The following ASB3 variants were observed in gnomAD, a reference collection of about 807,000 sequenced individuals.
ASB3 encodes ankyrin repeat and SOCS box protein 3.
ASB3 carries 41 observed loss-of-function variants against 54.5 expected under a neutral mutation model. The observed-to-expected ratio is 0.75, with a 90% CI of 0.59 to 0.98. ASB3 has a LOEUF of 0.98. ASB3 is among the 50% of genes least tolerant of loss of function. ASB3 has a pLI of 0.00. For synonymous variants in ASB3, 266 were observed against 221.2 expected, an observed-to-expected ratio of 1.20 and a Z score of -1.80; for missense variants, 733 against 620.0, an observed-to-expected ratio of 1.18 and a Z score of -1.94.
chr2:53,779,621 G>A (rs10197062), intron 1 of ASB3, among the ~76,000 whole-genome samples: 23,592 of 151,920 alleles, frequency 0.16, 2,104 homozygotes, highest in African/African-American at 0.25. Context: ...ATTTTTTGTA[G>A]AGATGGAGTT....
intron 7 of ASB3, among the ~76,000 whole-genome samples, chr2:53,705,218 A>G (rs1669704438): frequency 1.3e-5 from 2 of 152,174 alleles, no homozygotes; most frequent in South Asian, 4.1e-4. Context: ...AAAATATAGC[A>G]TTTTCCAATG....
At position 53,724,598 on chromosome 2, in the gene ASB3, C is replaced by CA. The variant is rs1362386537; in HGVS notation, c.604+4113dup. On this transcript the variant is annotated intron_variant, in intron 5 of 9. Transcript: ENST00000263634. ...TGGGCAACATAGCAAGACTCCATTT[C>CA]AAAAAAAAAAAAAAATTGGGCAAAA... 2.5e-3 allele frequency among the ~76,000 whole-genome samples: 280 copies of CA among 113,906 alleles called. 1 individual carries two copies. Among genetic ancestry groups the CA allele is most frequent in the East Asian group, 2.7e-3 (11 of 4,092 alleles). The allele number at this position is 113,906 out of a possible 152,430, so 74.7% of individuals were successfully genotyped here. A position where few individuals can be genotyped will look rare whatever the true frequency, so the allele number is the denominator to read the frequency against.
intron 3 of ASB3, among the ~76,000 whole-genome samples, chr2:53,739,991 G>T (rs1471777707): frequency 3.9e-5 from 6 of 152,098 alleles, no homozygotes. Context: ...TCATTTTGAG[G>T]CTCAGATTTT....
intron 4 of ASB3, 28 bp from the exon 5 acceptor site, chr2:53,728,875 A>C: frequency 6.4e-7 from 1 of 1,552,532 alleles, no homozygotes; most frequent in Non-Finnish European, 8.7e-7. Flanking sequence ...ATTTTAAATA[A>C]GAAAAAAACA....
At chr2:53,671,182 T>C (rs1309322953) in intron 9 of ASB3, among the ~76,000 whole-genome samples, 1 of 152,200 alleles carries the variant, frequency 6.6e-6, no homozygotes, top group Non-Finnish European at 1.5e-5. Flanking sequence ...CTGAGTGCCT[T>C]CTATGCCATA....
intron 8 of ASB3, among the ~76,000 whole-genome samples, chr2:53,696,057 T>G (rs1238696606): frequency 6.6e-6 from 1 of 152,174 alleles, no homozygotes; most frequent in Admixed American, 6.6e-5. Context: ...AGCAAAACAT[T>G]TATCATATGC....
chr2:53,670,100 C>T lies in ASB3; in HGVS notation c.*403G>A, dbSNP rs1015078117. ...ACTTCCAGTGAAGCTTTATGCATTC[C>T]ATTCTGAGCTCCTAATACCAGGTAA... On this transcript the variant is annotated 3_prime_UTR_variant, in exon 10 of 10. Transcript: ENST00000263634. 1.2e-5 allele frequency: 2 copies of T among 162,106 alleles called. No individual in the cohort carries two copies. The highest frequency in any genetic ancestry group is 4.8e-5 in the African/African-American group (2 of 41,438). 10.0% of individuals were successfully genotyped at this position (162,106 alleles called of 1,614,324 possible). A position where few individuals can be genotyped will look rare whatever the true frequency, so the allele number is the denominator to read the frequency against.
intron 3 of ASB3, among the ~76,000 whole-genome samples, chr2:53,731,345 T>A (rs10200897): frequency 0.17 from 26,288 of 152,020 alleles, 2,471 homozygotes; most frequent in African/African-American, 0.25. Context: ...GAGGTTGCAC[T>A]GCACTCCACC....
intron 9 of ASB3, among the ~76,000 whole-genome samples, chr2:53,671,875 TCAAGAAATCTTTTATAAA>T (rs1361462675): frequency 5.2e-5 from 6 of 116,088 alleles, no homozygotes; most frequent in Admixed American, 7.5e-5. Context: ...TTTTGTTAAT[TCAAGAAATCTTTTATAAA>T]TCCCTGTGAA....
At chr2:53,735,034 C>T (rs760136102) in intron 3 of ASB3, among the ~76,000 whole-genome samples, 2 of 151,478 alleles carry the variant, frequency 1.3e-5, no homozygotes, top group Non-Finnish European at 2.9e-5. Flanking sequence ...AATCTCCTGC[C>T]TCAGCCTCCC....
chr2:53,738,593 T>G (rs927778396), intron 3 of ASB3, among the ~76,000 whole-genome samples: 6 of 152,126 alleles, frequency 3.9e-5, no homozygotes, highest in African/African-American at 1.4e-4. Flanking sequence ...GGTCTAGAGA[T>G]TAGAATTGAA....
intron 3 of ASB3, among the ~76,000 whole-genome samples, chr2:53,742,990 T>C (rs1428450770): frequency 6.6e-6 from 1 of 152,040 alleles, no homozygotes; most frequent in East Asian, 1.9e-4. Flanking sequence ...AGCAAAAGTA[T>C]TGTCACAAAA....
rs1468050199 is a variant in ASB3, at chr2:53,729,459, T to C, written c.467A>G (p.Gln156Arg). 9 of 1,613,594 alleles carry C rather than the reference T, an allele frequency of 5.6e-6. No individual in the cohort carries two copies. The highest frequency in any genetic ancestry group is 1.7e-5 in the Admixed American group (1 of 60,014). ...TGAAATAATAAATTCAGAGGTTACC[T>C]GAAAAGAAGCCTGGTGCAAGGAGTT... The part of the protein sequence containing the change: ...GWNSLHQASF[Q>R]ENAEIIKLLL... Residue 156 changes from glutamine (Q) to arginine (R), a missense_variant and splice_region_variant, in exon 4 of 10, where the codon CAG (glutamine) becomes CGG (arginine). Transcript: ENST00000263634.
chr2:53,775,658 T>G (rs1234835679), intron 1 of ASB3, among the ~76,000 whole-genome samples: 1 of 152,084 alleles, frequency 6.6e-6, no homozygotes, highest in African/African-American at 2.4e-5. Flanking sequence ...GTATTTTTAG[T>G]AGAGACGGGG....
In ASB3 at chr2:53,670,435, T is replaced by G. The variant is rs1667751114; in HGVS notation, c.*68A>C. On this transcript the variant is annotated 3_prime_UTR_variant, in exon 10 of 10. Transcript: ENST00000263634. ...ACTATAAAATCATAAAAACTTGTACTCTGTGGCTCTTTTGTCTCGATGATT... is the reference window on the plus strand; with the variant it reads ...ACTATAAAATCATAAAAACTTGTACGCTGTGGCTCTTTTGTCTCGATGATT... 1 of 1,522,280 alleles carries G rather than the reference T, an allele frequency of 6.6e-7. No homozygotes were observed. The highest frequency in any genetic ancestry group is 8.8e-7 in the Non-Finnish European group (1 of 1,130,808). The allele number at this position is 1,522,280 out of a possible 1,614,324, so 94.3% of individuals were successfully genotyped here.
Position 53,685,904 on chromosome 2 carries a change from T to C in ASB3, c.1369+7980A>G, listed in dbSNP as rs530933354. Among the ~76,000 whole-genome samples the C allele has an allele frequency of 1.4e-4, 22 of 152,310 alleles. 1 individual carries two copies. The highest frequency in any genetic ancestry group is 5.9e-4 in the Admixed American group (9 of 15,310). On this transcript the variant is annotated intron_variant, in intron 9 of 9. Coordinates refer to ENST00000263634, the MANE Select transcript of ASB3 (RefSeq NM_016115.5). The stretch of plus-strand genomic sequence containing the variant: ...TTAAAATTCCACAATCTCCAATAGA[T>C]ACAAATGATCTGTTCTTAGAAGCTT...
intron 9 of ASB3, among the ~76,000 whole-genome samples, chr2:53,675,042 C>G (rs983780233): frequency 6.6e-6 from 1 of 152,098 alleles, no homozygotes; most frequent in East Asian, 1.9e-4. Context: ...GGCAAGTCAT[C>G]TAAATATTCT....
chr2:53,702,681 G>C (rs1241938090), intron 7 of ASB3, among the ~76,000 whole-genome samples: 1 of 152,172 alleles, frequency 6.6e-6, no homozygotes, highest in Non-Finnish European at 1.5e-5. Context: ...CCAATGTCTA[G>C]ACCTTATTTT....
At chr2:53,760,046 T>C (rs1321711842) in intron 2 of ASB3, among the ~76,000 whole-genome samples, 1 of 152,204 alleles carries the variant, frequency 6.6e-6, no homozygotes, top group Non-Finnish European at 1.5e-5. Context: ...GCAGTCACTA[T>C]ATACTTCTCC....
Sources: allele counts gnomAD v4.1 joint callset (sites outside exome capture counted in the v4.1 genomes callset), GRCh38; gene constraint gnomAD v4.1.1; transcripts MANE v1.5; gene names NCBI Gene and HGNC (gene_info 2026-07-23, HGNC 2026-07-21).